The following TBC1D1 variants were observed in gnomAD, a reference collection of about 807,000 sequenced individuals.
TBC1D1 encodes the protein TBC1 domain family member 1.
In TBC1D1, 89 loss-of-function variants were observed where a neutral mutation model predicts 125.6. The ratio of observed to expected loss-of-function variants is 0.71; its 90% CI spans 0.60 to 0.85. The LOEUF is 0.85. Ranked by LOEUF, TBC1D1 falls within the 40% of genes least tolerant of loss-of-function variation. TBC1D1 has a pLI of 0.00. For synonymous variants in TBC1D1, 565 were observed against 564.1 expected, an observed-to-expected ratio of 1.00 and a Z score of -0.02; for missense variants, 1,377 against 1,469.2, an observed-to-expected ratio of 0.94 and a Z score of 1.03.
At chr4:38,020,861 G>A in intron 5 of TBC1D1, 166 bp downstream of exon 5, 1 of 471,294 alleles carries the variant, frequency 2.1e-6, no homozygotes, top group Non-Finnish European at 3.9e-6. Context: ...CACATCTGAA[G>A]CTTAATTGGC....
At chr4:38,105,577 C>T (rs1761157099) in intron 15 of TBC1D1, among the ~76,000 whole-genome samples, 1 of 152,066 alleles carries the variant, frequency 6.6e-6, no homozygotes, top group African/African-American at 2.4e-5. Flanking sequence ...GTTTTTCAAC[C>T]CTTGCCTTCC....
intron 12 of TBC1D1, among the ~76,000 whole-genome samples, chr4:38,070,597 G>A (rs548983919): frequency 4.8e-4 from 73 of 152,290 alleles, no homozygotes; most frequent in Middle Eastern, 3.4e-3. Context: ...GTATAAAGGG[G>A]TATATGATTT....
chr4:38,084,833 G>A (rs1404942983), intron 12 of TBC1D1, among the ~76,000 whole-genome samples: 1 of 151,912 alleles, frequency 6.6e-6, no homozygotes, highest in Non-Finnish European at 1.5e-5. Flanking sequence ...TGGAGAATAA[G>A]GATCTGTCTA....
intron 1 of TBC1D1, among the ~76,000 whole-genome samples, chr4:37,899,303 G>C (rs182318136): frequency 6.6e-6 from 1 of 152,138 alleles, no homozygotes; most frequent in Admixed American, 6.5e-5. Flanking sequence ...AGATGAGACC[G>C]AGTTAGCTTT....
chr4:38,069,589 T>C (rs1754345213), intron 12 of TBC1D1, among the ~76,000 whole-genome samples: 1 of 152,128 alleles, frequency 6.6e-6, no homozygotes, highest in South Asian at 2.1e-4. Context: ...CTCGGTCTCT[T>C]TATTCTGCAC....
chr4:38,133,565 C>T (rs781435222), intron 19 of TBC1D1, among the ~76,000 whole-genome samples: 3 of 152,176 alleles, frequency 2.0e-5, no homozygotes, highest in Non-Finnish European at 4.4e-5. Flanking sequence ...TAGCTGAATG[C>T]CAGCCGTTGT....
intron 14 of TBC1D1, among the ~76,000 whole-genome samples, chr4:38,096,960 T>G (rs1311319580): frequency 6.6e-6 from 1 of 152,218 alleles, no homozygotes; most frequent in Non-Finnish European, 1.5e-5. Context: ...ATTATTAGTG[T>G]TCTAGTCAAA....
intron 1 of TBC1D1, among the ~76,000 whole-genome samples, chr4:37,899,191 A>G (rs1715306943): frequency 6.6e-6 from 1 of 151,744 alleles, no homozygotes; most frequent in South Asian, 2.1e-4. Context: ...TAGTAATAGG[A>G]TGAAGAAGGG....
chr4:38,058,189 TTCTG>T (rs1181289187), intron 12 of TBC1D1, among the ~76,000 whole-genome samples: 7 of 152,332 alleles, frequency 4.6e-5, no homozygotes, highest in Admixed American at 2.0e-4. Context: ...GGCAACTGAT[TTCTG>T]TCTGAGAGGA....
At chr4:38,009,762 A>G (rs1741084524) in intron 2 of TBC1D1, among the ~76,000 whole-genome samples, 1 of 152,222 alleles carries the variant, frequency 6.6e-6, no homozygotes, top group African/African-American at 2.4e-5. Context: ...TACTTTCAAA[A>G]TTGAGTTTTA....
chr4:38,005,000 C>T (rs1020809651), intron 2 of TBC1D1, among the ~76,000 whole-genome samples: 1 of 152,076 alleles, frequency 6.6e-6, no homozygotes, highest in East Asian at 1.9e-4. Context: ...GGCTCCCTGG[C>T]AGGGAGGGGG....
intron 17 of TBC1D1, among the ~76,000 whole-genome samples, chr4:38,121,713 T>TGTTTC (rs1560265668): frequency 1.3e-5 from 2 of 152,204 alleles, no homozygotes; most frequent in African/African-American, 4.8e-5. Flanking sequence ...TGTTTTGTTT[T>TGTTTC]GTTTTGTTTT....
chr4:38,090,808 T>G (rs1191584348), intron 13 of TBC1D1, among the ~76,000 whole-genome samples: 3 of 152,236 alleles, frequency 2.0e-5, no homozygotes, highest in Non-Finnish European at 4.4e-5. Context: ...GAGCAGGAAG[T>G]CTGCATAATC....
rs544821374 is a variant in TBC1D1 at position 37,947,595 on chromosome 4, C to G, written c.417+45083C>G. 3.3e-5 allele frequency among the ~76,000 whole-genome samples: 5 copies of G among 152,272 alleles called. No homozygotes were observed. The East Asian group carries it at 7.7e-4, about 23-fold the overall frequency. On this transcript the variant is annotated intron_variant, in intron 2 of 19. Transcript: ENST00000261439. ...CCTGTCCCAACCTCCCCAGGTTACA[C>G]CAGGTGAGCACCACTGCACTTCATT...
chr4:38,055,242 C>G (rs146994431), intron 12 of TBC1D1, among the ~76,000 whole-genome samples: 38 of 152,280 alleles, frequency 2.5e-4, no homozygotes, highest in Middle Eastern at 3.4e-3. Context: ...CTGGAAAGGG[C>G]CCTCTCCTGC....
Position 38,116,004 on chromosome 4 carries a change from T to C in TBC1D1, c.2802+50T>C, listed in dbSNP as rs775760589. On this transcript the variant is annotated intron_variant, in intron 16 of 19. Coordinates refer to ENST00000261439, the MANE Select transcript of TBC1D1 (RefSeq NM_015173.4). The stretch of plus-strand genomic sequence containing the variant: ...AATACAACAAAATGCTAAGAATGTT[T>C]CTTATCCCTCTCCAGATGTGCCTCA... The C allele has an allele frequency of 1.9e-6, 3 of 1,593,154 alleles. No individual in the cohort carries two copies. The East Asian group carries it at 6.7e-5, about 36-fold the overall frequency.
rs996371751 is a variant in TBC1D1, at chr4:38,132,967, G to C, written c.3133-117G>C. The C allele has an allele frequency of 5.2e-6, 4 of 764,714 alleles. No homozygotes were observed. In the Admixed American group the frequency reaches 8.9e-5, roughly 17 times the overall value. 47.4% of individuals were successfully genotyped at this position (764,714 alleles called of 1,614,324 possible). On this transcript the variant is annotated intron_variant, in intron 18 of 19. Transcript: ENST00000261439. ...TTTATTACTTCTAGTACCAAGTGTA[G>C]AGCTAAGCGTAGAGGAGACGCTTCA...
intron 2 of TBC1D1, among the ~76,000 whole-genome samples, chr4:37,998,220 G>A (rs181173324): frequency 2.0e-5 from 3 of 152,192 alleles, no homozygotes; most frequent in Non-Finnish European, 4.4e-5. Flanking sequence ...TTCACTCTGG[G>A]TGTGAGGGGC....
intron 2 of TBC1D1, among the ~76,000 whole-genome samples, chr4:37,910,107 AG>A (rs1718273183): frequency 6.6e-6 from 1 of 152,328 alleles, no homozygotes; most frequent in African/African-American, 2.4e-5. Context: ...AATTTTTTAA[AG>A]TCTTTTTATT....
Sources: allele counts gnomAD v4.1 joint callset (sites outside exome capture counted in the v4.1 genomes callset), GRCh38; gene constraint gnomAD v4.1.1; transcripts MANE v1.5; gene names NCBI Gene and HGNC (gene_info 2026-07-23, HGNC 2026-07-21).